RIPOR1: variants seen among roughly 807,000 people sequenced by gnomAD.
The protein encoded by RIPOR1 is RHO family interacting cell polarization regulator 1, also known as rho family-interacting cell polarization regulator 1.
Under a neutral mutation model 116.5 loss-of-function variants are expected in RIPOR1, and 58 were observed. That is an observed-to-expected ratio of 0.50 (90% CI 0.40 to 0.62). The LOEUF is 0.62. Ranked by LOEUF, RIPOR1 falls within the 20% of genes least tolerant of loss-of-function variation. RIPOR1 has a pLI of 0.00. For missense variants in RIPOR1, 1,372 were observed against 1,586.2 expected, an observed-to-expected ratio of 0.86 and a Z score of 2.29; for synonymous variants, 605 against 650.0, an observed-to-expected ratio of 0.93 and a Z score of 1.05.
Position 67,542,436 on chromosome 16 carries a change from C to G in RIPOR1, c.1650C>G (p.Gly550=). The G allele has an allele frequency of 6.2e-7, 1 of 1,613,844 alleles. No homozygotes were observed. Among genetic ancestry groups the G allele is most frequent in the East Asian group, 2.2e-5 (1 of 44,882 alleles). ...CAGGCCCCACTCACACCACTACAGG[C>G]TCTACCTATAGTGCCATTACCACTA... The part of the protein sequence containing the change: ...ELPGPTHTTT[G]STYSAITTTH... The change falls in exon 13 of 22, where the codon GGC becomes GGG. Residue 550 remains glycine (G), a synonymous_variant. Transcript: ENST00000042381. The surrounding 1 kb of genome is among the most constrained non-coding windows in gnomAD (Gnocchi z 4.6).
At position 67,544,711 on chromosome 16, in the gene RIPOR1, G is replaced by A; in HGVS notation, c.2750G>A (p.Gly917Glu). 3 of 1,613,236 alleles carry A rather than the reference G, an allele frequency of 1.9e-6. No homozygotes were observed. The highest frequency in any genetic ancestry group is 2.5e-6 in the Non-Finnish European group (3 of 1,179,980). ...GTTCTCCAGAAACTGGGCACATTTG[G>A]GCCCCTGCGCTGCCAGGAGGCATGG... ...SRLLLKLGTF[G>E]PLRCQEAWAL... The change falls in exon 16 of 22, where the codon GGG becomes GAG. Residue 917 changes from glycine (G) to glutamate (E), a missense_variant. Coordinates refer to ENST00000042381, the MANE Select transcript of RIPOR1 (RefSeq NM_024519.4). This position sits in a 1 kb window ranked among gnomAD's most constrained non-coding sequence, Gnocchi z 5.1.
chr16:67,527,168 A>C (rs1447782700), upstream of RIPOR1, among the ~76,000 whole-genome samples: 1 of 152,198 alleles, frequency 6.6e-6, no homozygotes, highest in African/African-American at 2.4e-5. Context: ...TCATGCCTGT[A>C]ATCCCAGCAC....
rs1474504700 is a variant in RIPOR1 at position 67,542,777 on chromosome 16, C to G, written c.1991C>G (p.Pro664Arg). Residue 664 changes from proline to arginine, a missense_variant, in exon 13 of 22, where the codon CCC (proline) becomes CGC (arginine). By Grantham distance (103) the Pro-to-Arg change is moderately radical. Coordinates refer to ENST00000042381, the MANE Select transcript of RIPOR1 (RefSeq NM_024519.4). The surrounding 1 kb of genome is among the most constrained non-coding windows in gnomAD (Gnocchi z 4.6). The part of the protein sequence containing the change: ...ATSPTHPTTS[P>R]THPTTSPILI... ...AGTCCCACCCATCCTACCACAAGCCCCACCCATCCCACCACAAGCCCCATC... is the reference window on the plus strand; with the variant it reads ...AGTCCCACCCATCCTACCACAAGCCGCACCCATCCCACCACAAGCCCCATC... The G allele has an allele frequency of 7.4e-6, 12 of 1,613,836 alleles. No individual in the cohort carries two copies. Among genetic ancestry groups the G allele is most frequent in the Non-Finnish European group, 9.3e-6 (11 of 1,179,978 alleles).
At position 67,541,670 on chromosome 16, in the gene RIPOR1, A is replaced by G; in HGVS notation, c.968A>G (p.Asp323Gly). The G allele has an allele frequency of 6.2e-7, 1 of 1,614,038 alleles. No homozygotes were observed. The highest frequency in any genetic ancestry group is 8.5e-7 in the Non-Finnish European group (1 of 1,179,972). The part of the protein sequence containing the change: ...EVTWSPFDKD[D>G]QPSAASSVNK... Reference sequence around the variant, plus strand: ...CTTCCCAGCCCCTTCGACAAGGATGACCAGCCCTCAGCTGCTTCTTCTGTC... The same window carrying G: ...CTTCCCAGCCCCTTCGACAAGGATGGCCAGCCCTCAGCTGCTTCTTCTGTC... The change falls in exon 12 of 22, where the codon GAC becomes GGC. Residue 323 changes from aspartate to glycine, a missense_variant. By Grantham distance (94) the Asp-to-Gly change is moderately conservative. Coordinates refer to ENST00000042381, the MANE Select transcript of RIPOR1 (RefSeq NM_024519.4). This position sits in a 1 kb window ranked among gnomAD's most constrained non-coding sequence, Gnocchi z 4.6.
chr16:67,529,878 G>T lies in RIPOR1; in HGVS notation c.-24+964G>T, dbSNP rs2050607976. 5 of 1,467,716 alleles carry T rather than the reference G, an allele frequency of 3.4e-6. No individual in the cohort carries two copies. 90.9% of individuals were successfully genotyped at this position (1,467,716 alleles called of 1,614,324 possible). A position where few individuals can be genotyped will look rare whatever the true frequency, so the allele number is the denominator to read the frequency against. ...CAGAGAGGTTAGTAGTATTCTCAAG[G>T]TCACACAGCTGGTTTGGGAGAAGCG... On this transcript the variant is annotated intron_variant, in intron 1 of 21. Coordinates refer to ENST00000042381, the MANE Select transcript of RIPOR1 (RefSeq NM_024519.4). The surrounding 1 kb of genome is among the most constrained non-coding windows in gnomAD (Gnocchi z 4.1).
At position 67,544,272 on chromosome 16, in the gene RIPOR1, G is replaced by C; in HGVS notation, c.2601-27G>C. The C allele has an allele frequency of 6.3e-7, 1 of 1,583,734 alleles. No homozygotes were observed. The highest frequency in any genetic ancestry group is 8.6e-7 in the Non-Finnish European group (1 of 1,157,554). On this transcript the variant is annotated intron_variant, in intron 14 of 21. Coordinates refer to ENST00000042381, the MANE Select transcript of RIPOR1 (RefSeq NM_024519.4). The surrounding 1 kb of genome is among the most constrained non-coding windows in gnomAD (Gnocchi z 5.1). Reference sequence around the variant, plus strand: ...GACCAGGTGGTGATGTGTGCCTGTGGGGTGGTGGACCCCATTTTTCCCTCA... The same window carrying C: ...GACCAGGTGGTGATGTGTGCCTGTGCGGTGGTGGACCCCATTTTTCCCTCA...
rs374439239 is a variant in RIPOR1, at chr16:67,545,773, C to T, written c.3300C>T (p.Ser1100=). 6.2e-7 allele frequency: 1 copy of T among 1,612,780 alleles called. No individual in the cohort carries two copies. Among genetic ancestry groups the T allele is most frequent in the Admixed American group, 1.7e-5 (1 of 59,854 alleles). ...LRRDGLRALS[S]LLVHGNNKVM... ...GGGACGGGCTGCGGGCCCTCAGCTC[C>T]CTGCTCGTCCATGGCAACAACAAGG... The change falls in exon 19 of 22, where the codon TCC becomes TCT. Residue 1100 remains serine, a synonymous_variant. Transcript: ENST00000042381. The surrounding 1 kb of genome is among the most constrained non-coding windows in gnomAD (Gnocchi z 4.8).
chr16:67,522,029 TTG>T (rs2050498836), intron 1 of RIPOR1, among the ~76,000 whole-genome samples: 2 of 125,130 alleles, frequency 1.6e-5, no homozygotes, highest in Admixed American at 7.5e-5. Context: ...ATGTTTTTTG[TTG>T]TTGTTGTTGT....
In RIPOR1 at chr16:67,530,186, G is replaced by A. The variant is rs2050620137; in HGVS notation, c.-24+1272G>A. Reference sequence around the variant, plus strand: ...GAGAGAAGCGGGCGGGGAGGGCGCGGGTGAGTCACGGCGGCCCCTCTGCGT... The same window carrying A: ...GAGAGAAGCGGGCGGGGAGGGCGCGAGTGAGTCACGGCGGCCCCTCTGCGT... On this transcript the variant is annotated intron_variant, in intron 1 of 21. Coordinates refer to ENST00000042381, the MANE Select transcript of RIPOR1 (RefSeq NM_024519.4). This position sits in a 1 kb window ranked among gnomAD's most constrained non-coding sequence, Gnocchi z 4.5. 3.0e-6 allele frequency: 1 copy of A among 334,816 alleles called. No homozygotes were observed. Among genetic ancestry groups the A allele is most frequent in the Non-Finnish European group, 5.5e-6 (1 of 180,680 alleles). 20.7% of individuals were successfully genotyped at this position (334,816 alleles called of 1,614,324 possible). A position where few individuals can be genotyped will look rare whatever the true frequency, so the allele number is the denominator to read the frequency against.
Position 67,541,879 on chromosome 16 carries a change from C to A in RIPOR1, c.1093C>A (p.Arg365=). The part of the protein sequence containing the change: ...REQAFYNMLR[R]QEELENGTAW... ...TCCTCTTTCTCAGAACATGCTGCGA[C>A]GGCAGGAGGAGCTGGAGAATGGGAC... The change falls in exon 13 of 22, where the codon CGG becomes AGG. Residue 365 remains arginine, a synonymous_variant. Transcript: ENST00000042381. The surrounding 1 kb of genome is among the most constrained non-coding windows in gnomAD (Gnocchi z 4.6). The A allele has an allele frequency of 1.2e-6, 2 of 1,609,166 alleles. No homozygotes were observed. The highest frequency in any genetic ancestry group is 1.7e-6 in the Non-Finnish European group (2 of 1,176,358).
At position 67,530,792 on chromosome 16, in the gene RIPOR1, T is replaced by A. The variant is rs2050642335; in HGVS notation, c.-24+1878T>A. Among the ~76,000 whole-genome samples, 1 of 152,124 alleles carries A rather than the reference T, an allele frequency of 6.6e-6. No homozygotes were observed. Among genetic ancestry groups the A allele is most frequent in the African/African-American group, 2.4e-5 (1 of 41,416 alleles). The stretch of plus-strand genomic sequence containing the variant: ...TAACCTTTGGAACCTTGGATCTGGG[T>A]TATTTCCCATCCTGGGAACAGACTA... On this transcript the variant is annotated intron_variant, in intron 1 of 21. Transcript: ENST00000042381. The surrounding 1 kb of genome is among the most constrained non-coding windows in gnomAD (Gnocchi z 4.5).
At position 67,540,721 on chromosome 16, in the gene RIPOR1, G is replaced by A. The variant is rs2050955178; in HGVS notation, c.801+17G>A. The A allele has an allele frequency of 1.9e-6, 3 of 1,565,578 alleles. No homozygotes were observed. Among genetic ancestry groups the A allele is most frequent in the East Asian group, 4.5e-5 (2 of 44,530 alleles). ...TCTATTAAGGTGATGTCTCTGCCCA[G>A]GACGGCAGGCCACCATGGCCCTGTG... On this transcript the variant is annotated intron_variant, in intron 10 of 21. Coordinates refer to ENST00000042381, the MANE Select transcript of RIPOR1 (RefSeq NM_024519.4). The surrounding 1 kb of genome is among the most constrained non-coding windows in gnomAD (Gnocchi z 4.7).
chr16:67,546,092 C>A, intron 20 of RIPOR1, 49 bp from the exon 21 acceptor site: 13 of 1,603,280 alleles, frequency 8.1e-6, no homozygotes, highest in Non-Finnish European at 1.1e-5. Context: ...CCCCTGAAAC[C>A]CTCCCATCTG....
intron 2 of RIPOR1, 46 bp from the exon 3 acceptor site, chr16:67,538,626 T>C: frequency 6.2e-7 from 1 of 1,608,800 alleles, no homozygotes; most frequent in South Asian, 1.1e-5. Flanking sequence ...AGTGAGAGTC[T>C]GGGGGACTCC....
chr16:67,540,270 C>T lies in RIPOR1; in HGVS notation c.568-30C>T. 6.2e-7 allele frequency: 1 copy of T among 1,613,668 alleles called. No homozygotes were observed. The highest frequency in any genetic ancestry group is 8.5e-7 in the Non-Finnish European group (1 of 1,179,776). On this transcript the variant is annotated intron_variant, in intron 7 of 21. Coordinates refer to ENST00000042381, the MANE Select transcript of RIPOR1 (RefSeq NM_024519.4). This position sits in a 1 kb window ranked among gnomAD's most constrained non-coding sequence, Gnocchi z 4.7. ...GGCAGGGCTAGTGGCTGGCCCTTGACCCCCTCCTGTCCCTGCCCCTCCCTC... is the reference window on the plus strand; with the variant it reads ...GGCAGGGCTAGTGGCTGGCCCTTGATCCCCTCCTGTCCCTGCCCCTCCCTC...
rs1222813415 is a variant in RIPOR1, at chr16:67,541,385, T to C, written c.802-45T>C. On this transcript the variant is annotated intron_variant, in intron 10 of 21. Coordinates refer to ENST00000042381, the MANE Select transcript of RIPOR1 (RefSeq NM_024519.4). This position sits in a 1 kb window ranked among gnomAD's most constrained non-coding sequence, Gnocchi z 4.6. The stretch of plus-strand genomic sequence containing the variant: ...AGACCTCAGATTTCCCATGATCTCA[T>C]AGCCCCTGCACCCTTGTGACCCTAC... 2.5e-6 allele frequency: 4 copies of C among 1,582,788 alleles called. No individual in the cohort carries two copies. In the South Asian group the frequency reaches 3.4e-5, roughly 13 times the overall value.
chr16:67,543,679 C>A lies in RIPOR1; in HGVS notation c.2600+210C>A, dbSNP rs1330076226. On this transcript the variant is annotated intron_variant, in intron 14 of 21. Transcript: ENST00000042381. This position sits in a 1 kb window ranked among gnomAD's most constrained non-coding sequence, Gnocchi z 4.7. ...CTTCATGCCCATGTCTCCAACCCTA[C>A]GTGTGTCCCCAGTGCTTCTGACCGC... 4.6e-6 allele frequency: 3 copies of A among 652,600 alleles called. No individual in the cohort carries two copies. The South Asian group carries it at 5.6e-5, about 12-fold the overall frequency. The allele number at this position is 652,600 out of a possible 1,614,324, so 40.4% of individuals were successfully genotyped here.
chr16:67,542,650 C>T lies in RIPOR1; in HGVS notation c.1864C>T (p.Pro622Ser). The change falls in exon 13 of 22, where the codon CCC (proline) becomes TCC (serine). Residue 622 changes from proline (P) to serine (S), a missense_variant. Pro to Ser is a moderately conservative substitution (Grantham distance 74). Transcript: ENST00000042381. This position sits in a 1 kb window ranked among gnomAD's most constrained non-coding sequence, Gnocchi z 4.6. ...AAGCCCCACTCATACTTCCACAAGC[C>T]CCACCCATACCCCCACAAGTCCCAC... Reference protein sequence around the residue: ...TASPTHTSTSPTHTPTSPTHK... With the variant: ...TASPTHTSTSSTHTPTSPTHK... The T allele has an allele frequency of 1.2e-6, 2 of 1,613,552 alleles. No homozygotes were observed. Among genetic ancestry groups the T allele is most frequent in the Non-Finnish European group, 8.5e-7 (1 of 1,179,850 alleles).
rs537929456 is a variant in RIPOR1, at chr16:67,540,512, G to A, written c.675+11G>A. On this transcript the variant is annotated intron_variant, in intron 9 of 21. Transcript: ENST00000042381. This position sits in a 1 kb window ranked among gnomAD's most constrained non-coding sequence, Gnocchi z 4.7. ...GGCGATCAGTATGAGGTATGAGAAT[G>A]TGCAGGGAAGGGCTGGGTCGGTAGG... is the stretch of plus-strand genomic sequence containing the variant. The A allele has an allele frequency of 3.7e-6, 6 of 1,614,106 alleles. No homozygotes were observed. The highest frequency in any genetic ancestry group is 2.7e-5 in the African/African-American group (2 of 75,008).
Sources: allele counts gnomAD v4.1 joint callset (sites outside exome capture counted in the v4.1 genomes callset), GRCh38; gene constraint gnomAD v4.1.1; non-coding constraint Gnocchi (gnomAD v3.1); transcripts MANE v1.5; gene names NCBI Gene and HGNC (gene_info 2026-07-23, HGNC 2026-07-21).